HUWE1: variants seen among roughly 807,000 people sequenced by gnomAD.
HUWE1 encodes the protein HECT, UBA and WWE domain containing E3 ubiquitin protein ligase 1.
Under a neutral mutation model 299.4 loss-of-function variants are expected in HUWE1, and 18 were observed. The ratio of observed to expected loss-of-function variants is 0.06; its 90% CI spans 0.04 to 0.09. The LOEUF is 0.09. Among genes scored for constraint, HUWE1 ranks in the 10% least tolerant of loss-of-function variants. HUWE1 has a pLI of 1.00. For synonymous variants in HUWE1, 1,317 were observed against 1,286.1 expected, an observed-to-expected ratio of 1.02 and a Z score of -0.51; for missense variants, 1,832 against 3,462.3, an observed-to-expected ratio of 0.53 and a Z score of 11.82.
intron 28 of HUWE1, among the ~76,000 whole-genome samples, chrX:53,601,120 A>G (rs1391162284): frequency 9.0e-6 from 1 of 110,766 alleles, no homozygotes; most frequent in African/African-American, 3.3e-5. Context: ...AGCCTATGTC[A>G]GCTTTATTAG....
Position 53,594,537 on chromosome X carries a change from T to C in HUWE1, c.3465A>G (p.Gln1155=), listed in dbSNP as rs370063091. Residue 1155 remains glutamine, a synonymous_variant, in exon 31 of 84, where the codon CAA becomes CAG. Coordinates refer to ENST00000262854, the MANE Select transcript of HUWE1 (RefSeq NM_031407.7). ...TGTGGCCTCCGGAGCAGAGAAATTT[T>C]TGCAGCATGAGGTGGTAGGGATACT... ...ERKYPYHLML[Q]KFLCSGGHNA... The C allele has an allele frequency of 2.8e-5, 34 of 1,208,789 alleles. No homozygotes were observed. The African/African-American group carries it at 5.6e-4, about 20-fold the overall frequency.
chrX:53,660,972 T>C (rs1404321178), intron 3 of HUWE1, among the ~76,000 whole-genome samples: 2 of 110,935 alleles, frequency 1.8e-5, no homozygotes, highest in Non-Finnish European at 3.8e-5. Context: ...CAGTAAATGT[T>C]AGCACCAAGA....
At chrX:53,640,971 G>A (rs1236607635) in intron 7 of HUWE1, among the ~76,000 whole-genome samples, 3 of 111,580 alleles carry the variant, frequency 2.7e-5, no homozygotes, top group Non-Finnish European at 5.7e-5. Flanking sequence ...ATGCTATTGT[G>A]GTCCTATACA....
In HUWE1 at chrX:53,592,382, G is replaced by A; in HGVS notation, c.3972+16C>T. 2 of 1,167,992 alleles carry A rather than the reference G, an allele frequency of 1.7e-6. No individual in the cohort carries two copies. ...GTGCAAAGTCTGGACCCTGGAGTGT[G>A]AGGCCAGTACCCTACCTGTTGCAGT... On this transcript the variant is annotated intron_variant, in intron 33 of 83. Transcript: ENST00000262854.
chrX:53,549,820 C>T (rs782378515), intron 66 of HUWE1, among the ~76,000 whole-genome samples: 8 of 108,338 alleles, frequency 7.4e-5, no homozygotes, highest in East Asian at 5.8e-4. Flanking sequence ...GGCGTGATAC[C>T]GGCTCACTGC....
At chrX:53,566,851 A>G (rs1175934870) in intron 49 of HUWE1, among the ~76,000 whole-genome samples, 1 of 111,327 alleles carries the variant, frequency 9.0e-6, no homozygotes, top group African/African-American at 3.3e-5. Flanking sequence ...GAGCAATTAC[A>G]TCAATGTAGA....
chrX:53,602,914 G>T (rs2064953633), intron 27 of HUWE1, among the ~76,000 whole-genome samples: 1 of 104,104 alleles, frequency 9.6e-6, no homozygotes, highest in African/African-American at 3.6e-5. Context: ...GCAGTGGCAT[G>T]ATCTTGGGCT....
chrX:53,655,520 T>A (rs1354977420), intron 3 of HUWE1, among the ~76,000 whole-genome samples: 1 of 112,230 alleles, frequency 8.9e-6, no homozygotes, highest in Non-Finnish European at 1.9e-5. Flanking sequence ...TAAAAAGTTA[T>A]CTCAGTATCA....
intron 74 of HUWE1, among the ~76,000 whole-genome samples, chrX:53,541,625 G>C (rs1230394630): frequency 9.0e-6 from 1 of 111,212 alleles, no homozygotes; most frequent in Non-Finnish European, 1.9e-5. Flanking sequence ...GAAGACATGG[G>C]AGACTGAAGT....
At chrX:53,643,228 C>T (rs1423663454) in intron 7 of HUWE1, among the ~76,000 whole-genome samples, 4 of 112,036 alleles carry the variant, frequency 3.6e-5, no homozygotes, top group Admixed American at 2.8e-4. Flanking sequence ...TCTTTCCCCA[C>T]CATTGTTATT....
intron 3 of HUWE1, 34 bp from the exon 4 acceptor site, chrX:53,654,165 T>C: frequency 1.2e-6 from 1 of 856,790 alleles, no homozygotes; most frequent in Non-Finnish European, 1.7e-6. Flanking sequence ...AAGTGAGAAC[T>C]TAAAGCTACA....
chrX:53,598,863 T>C (rs2064655590), intron 29 of HUWE1, among the ~76,000 whole-genome samples: 1 of 112,367 alleles, frequency 8.9e-6, no homozygotes, highest in African/African-American at 3.2e-5. Context: ...CTAGGTTACA[T>C]ATCCTGCTAA....
At chrX:53,579,039 G>T (rs1420867017) in intron 43 of HUWE1, among the ~76,000 whole-genome samples, 7 of 75,839 alleles carry the variant, frequency 9.2e-5, no homozygotes, top group African/African-American at 2.1e-4. Flanking sequence ...CGGGGGGGGG[G>T]GTCGGCCAGC....
At chrX:53,605,307 T>C (rs1214779304) in intron 25 of HUWE1, among the ~76,000 whole-genome samples, 6 of 112,211 alleles carry the variant, frequency 5.3e-5, no homozygotes, top group African/African-American at 1.9e-4. Context: ...TGTGATTTCC[T>C]CTCAAGTCTG....
intron 74 of HUWE1, 89 bp from the exon 75 acceptor site, chrX:53,539,901 A>G: frequency 1.1e-6 from 1 of 909,248 alleles, no homozygotes; most frequent in East Asian, 3.4e-5. Flanking sequence ...ACTAATATAC[A>G]GAACAAGTAG....
chrX:53,590,008 C>T (rs1425963791), intron 35 of HUWE1, among the ~76,000 whole-genome samples, 192 bp from the exon 36 acceptor site: 5 of 112,036 alleles, frequency 4.5e-5, no homozygotes, highest in Non-Finnish European at 9.4e-5. Context: ...GGGAGGGATG[C>T]TTCAAACAAC....
chrX:53,634,436 T>A (rs2067073540), intron 7 of HUWE1, 138 bp from the exon 8 acceptor site: 1 of 496,824 alleles, frequency 2.0e-6, no homozygotes, highest in African/African-American at 2.4e-5. Context: ...TATTTAAGAG[T>A]GTGTGGCTGC....
Position 53,546,336 on chromosome X carries a change from G to GT in HUWE1, c.10915+99dup, listed in dbSNP as rs1556922681. 3 of 739,623 alleles carry GT rather than the reference G, an allele frequency of 4.1e-6. No homozygotes were observed. The Admixed American group carries it at 7.9e-5, about 19-fold the overall frequency. The allele number at this position is 739,623 out of a possible 1,213,427, so 61.0% of individuals were successfully genotyped here. On this transcript the variant is annotated intron_variant, in intron 70 of 83. Transcript: ENST00000262854. ...GAGGCTGTGTTATAGGGATATGGAG[G>GT]TATCTGATTCAGCTTGGGGATTCAG...
In HUWE1 at chrX:53,575,743, C is replaced by G. The variant is rs1173969661; in HGVS notation, c.5930G>C (p.Gly1977Ala). Residue 1977 changes from glycine (G) to alanine (A), a missense_variant, in exon 45 of 84, where the codon GGC becomes GCC. Gly to Ala is a moderately conservative substitution (Grantham distance 60). Around this residue, in one of 15 missense-constraint regions of HUWE1, gnomAD observed 157 missense variants for 252.3 expected, o/e 0.62. Transcript: ENST00000262854. ...ATCACCCATGTCTTGCAGGAGCTGG[C>G]CAACCTCTTGGGTCATAACCCCAGG... ...PKPGVMTQEV[G>A]QLLQDMGDDV... The G allele has an allele frequency of 8.3e-7, 1 of 1,209,823 alleles. No homozygotes were observed. The highest frequency in any genetic ancestry group is 2.2e-5 in the Admixed American group (1 of 45,885).
Sources: gnomAD v4.1 joint callset for allele counts (sites outside exome capture counted in the v4.1 genomes callset) on GRCh38, gnomAD v4.1.1 for gene constraint, gnomAD v4.1.1 regional missense constraint, MANE v1.5 for transcripts, NCBI Gene and HGNC (gene_info 2026-07-23, HGNC 2026-07-21) for gene names.